CASQ1: variants seen among roughly 807,000 people sequenced by gnomAD.
CASQ1 encodes the protein calsequestrin 1.
A neutral mutation model predicts 49.5 loss-of-function variants in CASQ1; 40 were observed. That is an observed-to-expected ratio of 0.81 (90% CI 0.63 to 1.05). CASQ1 has a LOEUF of 1.05. Among genes scored for constraint, CASQ1 ranks in the 50% least tolerant of loss-of-function variants. The pLI, the probability that CASQ1 is intolerant of heterozygous loss-of-function variation, is 0.00. For missense variants in CASQ1, 469 were observed against 486.9 expected, an observed-to-expected ratio of 0.96 and a Z score of 0.35; for synonymous variants, 174 against 187.2, an observed-to-expected ratio of 0.93 and a Z score of 0.58.
intron 7 of CASQ1, chr1:160,198,398 G>C (rs1654293665): frequency 3.5e-6 from 1 of 284,814 alleles, no homozygotes; most frequent in African/African-American, 2.2e-5. Context: ...CAGCTACTCA[G>C]GAGGCTGAGG....
Position 160,198,989 on chromosome 1 carries a change from C to G in CASQ1, c.920C>G (p.Ala307Gly). 6.2e-7 allele frequency: 1 copy of G among 1,613,296 alleles called. No individual in the cohort carries two copies. Among genetic ancestry groups the G allele is most frequent in the Non-Finnish European group, 8.5e-7 (1 of 1,179,248 alleles). ...TTCTTAGAGACTCTCAAGGCTGTGG[C>G]CCAAGATAACACTGAAAACCCAGAT... is the stretch of plus-strand genomic sequence containing the variant. The part of the protein sequence containing the change: ...FEFLETLKAV[A>G]QDNTENPDLS... Residue 307 changes from alanine (A) to glycine (G), a missense_variant, in exon 9 of 11, where the codon GCC becomes GGC. Transcript: ENST00000368078.
chr1:160,195,575 T>C, intron 5 of CASQ1, 41 bp downstream of exon 5: 2 of 1,580,416 alleles, frequency 1.3e-6, no homozygotes, highest in Non-Finnish European at 8.7e-7. Flanking sequence ...CCTCATGTCC[T>C]GAAGCTGTCC....
At chr1:160,197,382 C>T (rs988321926) in intron 6 of CASQ1, among the ~76,000 whole-genome samples, 187 bp from the exon 7 acceptor site, 2 of 152,242 alleles carry the variant, frequency 1.3e-5, no homozygotes, top group Non-Finnish European at 2.9e-5. Flanking sequence ...TCCCCTCTCC[C>T]ACCGCTTTAA....
intron 5 of CASQ1, 108 bp from the exon 6 acceptor site, chr1:160,195,789 G>A: frequency 7.8e-7 from 1 of 1,283,548 alleles, no homozygotes; most frequent in Non-Finnish European, 1.1e-6. Context: ...CAGTGACAAG[G>A]ATCCCGGCTT....
intron 6 of CASQ1, 27 bp downstream of exon 6, chr1:160,196,054 C>A (rs781026091): frequency 3.1e-6 from 5 of 1,610,344 alleles, no homozygotes; most frequent in South Asian, 2.2e-5. Flanking sequence ...ACCCTCTCAG[C>A]GGGGTCGGCT....
chr1:160,196,981 C>T (rs1219246335), intron 6 of CASQ1, among the ~76,000 whole-genome samples: 2 of 152,182 alleles, frequency 1.3e-5, no homozygotes, highest in Admixed American at 1.3e-4. Flanking sequence ...CAGCCCCCTA[C>T]TACAAAGAAT....
intron 7 of CASQ1, chr1:160,198,165 G>A (rs757828150): frequency 1.9e-5 from 3 of 161,552 alleles, no homozygotes; most frequent in African/African-American, 7.2e-5. Context: ...GGAAGTGTGG[G>A]GCCTTGGAGC....
intron 1 of CASQ1, 109 bp from the exon 2 acceptor site, chr1:160,192,693 A>C (rs1654104519): frequency 3.5e-6 from 3 of 848,654 alleles, no homozygotes; most frequent in Non-Finnish European, 5.9e-6. Flanking sequence ...GTCAAGGTCA[A>C]CTCTTATATC....
At chr1:160,193,886 C>T (rs963435939) in intron 3 of CASQ1, 39 bp downstream of exon 3, 25 of 1,367,882 alleles carry the variant, frequency 1.8e-5, no homozygotes, top group Non-Finnish European at 2.6e-5. Context: ...TGCTTGAAAA[C>T]TCCACTGCCT....
rs771992949 is a variant in CASQ1, at chr1:160,195,547, G to A, written c.651+13G>A. The A allele has an allele frequency of 2.0e-5, 32 of 1,610,526 alleles. No homozygotes were observed. The highest frequency in any genetic ancestry group is 2.5e-5 in the Non-Finnish European group (29 of 1,177,522). ...CTTCGACAGCAAGGTTCTCCTCCCC[G>A]CAGCTGTATTGGTTCTGCCTCATGT... On this transcript the variant is annotated intron_variant, in intron 5 of 10. Transcript: ENST00000368078.
At chr1:160,192,582 A>G (rs1326907791) in intron 1 of CASQ1, 1 of 547,056 alleles carries the variant, frequency 1.8e-6, no homozygotes, top group Non-Finnish European at 3.3e-6. Flanking sequence ...CATAATAAGC[A>G]CATTGCAAAT....
chr1:160,196,667 G>T (rs148114941), intron 6 of CASQ1, among the ~76,000 whole-genome samples: 8 of 152,054 alleles, frequency 5.3e-5, no homozygotes, highest in South Asian at 2.1e-4. Context: ...GTAGAGATGG[G>T]GTTTCACCAC....
Position 160,193,760 on chromosome 1 carries a change from G to A in CASQ1, c.378G>A (p.Val126=). The part of the protein sequence containing the change: ...AVAKKLGLTE[V]DSMYVFKGDE... ...CTCACTCCCTAGGCCTAACTGAAGT[G>A]GACAGCATGTATGTATTCAAGGGAG... Residue 126 remains valine, a synonymous_variant, in exon 3 of 11, where the codon GTG becomes GTA. Coordinates refer to ENST00000368078, the MANE Select transcript of CASQ1 (RefSeq NM_001231.5). 1 of 1,608,768 alleles carries A rather than the reference G, an allele frequency of 6.2e-7. No individual in the cohort carries two copies. Among genetic ancestry groups the A allele is most frequent in the Non-Finnish European group, 8.5e-7 (1 of 1,176,234 alleles).
In CASQ1 at chr1:160,190,930, T is replaced by C. The variant is rs779066324; in HGVS notation, c.179T>C (p.Val60Ala). The change falls in exon 1 of 11, where the codon GTG becomes GCG. Residue 60 changes from valine (V) to alanine (A), a missense_variant. Physicochemically the swap from Val to Ala is moderately conservative, Grantham distance 64 (BLOSUM62 0). Coordinates refer to ENST00000368078, the MANE Select transcript of CASQ1 (RefSeq NM_001231.5). ...INVNAKNYKN[V>A]FKKYEVLALL... ...GTCAATGCAAAGAACTACAAGAATG[T>C]GTTCAAGAAGTATGAGGTGCTGGCA... The C allele has an allele frequency of 6.2e-7, 1 of 1,614,154 alleles. No homozygotes were observed. Among genetic ancestry groups the C allele is most frequent in the Admixed American group, 1.7e-5 (1 of 60,024 alleles).
rs952404914 is a variant in CASQ1, at chr1:160,201,605, T to A, written c.*229T>A. ...TCTCTTATCTGACTTCTGTTTCTTA[T>A]CCCATAACTTACTTGTATCTATTAT... On this transcript the variant is annotated 3_prime_UTR_variant, in exon 11 of 11. Coordinates refer to ENST00000368078, the MANE Select transcript of CASQ1 (RefSeq NM_001231.5). 2 of 579,502 alleles carry A rather than the reference T, an allele frequency of 3.5e-6. No individual in the cohort carries two copies. The highest frequency in any genetic ancestry group is 3.7e-5 in the African/African-American group (2 of 53,472). The allele number at this position is 579,502 out of a possible 1,614,324, so 35.9% of individuals were successfully genotyped here. A position where few individuals can be genotyped will look rare whatever the true frequency, so the allele number is the denominator to read the frequency against.
At chr1:160,194,009 TAC>T (rs541168293) in intron 3 of CASQ1, among the ~76,000 whole-genome samples, 162 bp downstream of exon 3, 552 of 132,450 alleles carry the variant, frequency 4.2e-3, no homozygotes, top group African/African-American at 0.015. Context: ...ACACCATACA[TAC>T]ACACACACAC....
intron 3 of CASQ1, 28 bp from the exon 4 acceptor site, chr1:160,194,984 C>G (rs1407421685): frequency 7.1e-7 from 1 of 1,408,046 alleles, no homozygotes; most frequent in Non-Finnish European, 9.9e-7. Flanking sequence ...GATAGAAACT[C>G]TCTTCCTGCA....
intron 3 of CASQ1, 69 bp downstream of exon 3, chr1:160,193,916 C>A: frequency 1.1e-6 from 1 of 913,732 alleles, no homozygotes. Flanking sequence ...TCCCTACCAA[C>A]CCCAACCTGA....
rs1654050480 is a variant in CASQ1 at position 160,190,647 on chromosome 1, C to G, written c.-105C>G. The stretch of plus-strand genomic sequence containing the variant: ...TGCTCTGGGCCATTCCCCAATCCCC[C>G]CTCCCACTTGAGCCCCTAACTCAGA... On this transcript the variant is annotated 5_prime_UTR_variant, in exon 1 of 11. Transcript: ENST00000368078. 1.0e-5 allele frequency: 11 copies of G among 1,067,990 alleles called. No homozygotes were observed. The highest frequency in any genetic ancestry group is 1.2e-5 in the Non-Finnish European group (9 of 740,898). 66.2% of individuals were successfully genotyped at this position (1,067,990 alleles called of 1,614,324 possible). A position where few individuals can be genotyped will look rare whatever the true frequency, so the allele number is the denominator to read the frequency against.
Sources: allele counts gnomAD v4.1 joint callset (sites outside exome capture counted in the v4.1 genomes callset), GRCh38; gene constraint gnomAD v4.1.1; transcripts MANE v1.5; gene names NCBI Gene and HGNC (gene_info 2026-07-23, HGNC 2026-07-21).